EHBP1: variants seen among roughly 807,000 people sequenced by gnomAD.
The protein encoded by EHBP1 is EH domain binding protein 1, also known as EH domain-binding protein 1.
A neutral mutation model predicts 144.0 loss-of-function variants in EHBP1; 55 were observed. That is an observed-to-expected ratio of 0.38 (90% CI 0.31 to 0.48). EHBP1 has a LOEUF of 0.48. EHBP1 is among the 20% of genes least tolerant of loss of function. The pLI is 0.98. For missense variants in EHBP1, 1,200 were observed against 1,364.2 expected (o/e 0.88, Z 1.90); for synonymous variants, 469 against 472.7 (o/e 0.99, Z 0.10).
At chr2:63,018,082 T>C (rs969475864) in intron 19 of EHBP1, among the ~76,000 whole-genome samples, 7 of 152,188 alleles carry the variant, frequency 4.6e-5, no homozygotes. Context: ...GGAGAATTGC[T>C]TGAGCCCAAG....
intron 1 of EHBP1, among the ~76,000 whole-genome samples, chr2:62,681,138 C>A (rs990866819): frequency 2.7e-5 from 4 of 150,886 alleles, no homozygotes; most frequent in Non-Finnish European, 4.4e-5. Context: ...CATGGTGAAA[C>A]CCCGTCTCTA....
chr2:62,753,207 A>T (rs1482858687), intron 3 of EHBP1, among the ~76,000 whole-genome samples: 1 of 152,072 alleles, frequency 6.6e-6, no homozygotes, highest in Non-Finnish European at 1.5e-5. Context: ...ATGGTGACAA[A>T]ATCTCTCAGC....
chr2:62,941,155 A>G (rs1332579815), intron 10 of EHBP1, among the ~76,000 whole-genome samples: 1 of 152,168 alleles, frequency 6.6e-6, no homozygotes, highest in Non-Finnish European at 1.5e-5. Flanking sequence ...GTTTATGCCT[A>G]CCTAGTTCAG....
chr2:62,915,977 C>T (rs2054584363), intron 10 of EHBP1, among the ~76,000 whole-genome samples: 2 of 152,032 alleles, frequency 1.3e-5, no homozygotes, highest in African/African-American at 4.8e-5. Context: ...AACTTTAATT[C>T]ACACCATTCA....
At chr2:62,755,291 C>T (rs1170694381) in intron 3 of EHBP1, among the ~76,000 whole-genome samples, 5 of 152,168 alleles carry the variant, frequency 3.3e-5, no homozygotes, top group Admixed American at 6.5e-5. Flanking sequence ...CTTGACATAA[C>T]GTTTTTGAGA....
At chr2:62,924,522 A>T (rs1175471587) in intron 10 of EHBP1, among the ~76,000 whole-genome samples, 1 of 152,164 alleles carries the variant, frequency 6.6e-6, no homozygotes, top group Non-Finnish European at 1.5e-5. Context: ...GAAAAAGGAG[A>T]CATCACAACA....
chr2:62,947,249 TCTTA>T (rs1301871643), intron 12 of EHBP1, among the ~76,000 whole-genome samples: 1 of 152,222 alleles, frequency 6.6e-6, no homozygotes, highest in Non-Finnish European at 1.5e-5. Flanking sequence ...TCATTTTCTT[TCTTA>T]CTTGTTCCAT....
chr2:62,832,565 T>A (rs2046902708), intron 7 of EHBP1, among the ~76,000 whole-genome samples: 1 of 152,046 alleles, frequency 6.6e-6, no homozygotes, highest in South Asian at 2.1e-4. Context: ...TCTCTGTGTC[T>A]CTGTGTCATT....
intron 1 of EHBP1, among the ~76,000 whole-genome samples, chr2:62,684,947 A>G (rs988977830): frequency 1.6e-4 from 25 of 152,202 alleles, no homozygotes; most frequent in Non-Finnish European, 2.5e-4. Context: ...GGACTCACTT[A>G]TATGTGGAAT....
chr2:62,730,154 G>A (rs948769563), intron 2 of EHBP1, among the ~76,000 whole-genome samples: 1 of 151,938 alleles, frequency 6.6e-6, no homozygotes, highest in Non-Finnish European at 1.5e-5. Context: ...AAATTAAGTA[G>A]AGTACAGACA....
chr2:62,998,257 A>ATACC (rs2059719081), intron 19 of EHBP1, among the ~76,000 whole-genome samples: 1 of 152,128 alleles, frequency 6.6e-6, no homozygotes, highest in Non-Finnish European at 1.5e-5. Context: ...GCTCAGTCTT[A>ATACC]TACCTATATA....
intron 2 of EHBP1, among the ~76,000 whole-genome samples, chr2:62,733,533 T>G (rs1481072995): frequency 2.0e-5 from 3 of 152,204 alleles, no homozygotes; most frequent in African/African-American, 4.8e-5. Flanking sequence ...TCCCCAGTGC[T>G]CCTCAATTTT....
intron 10 of EHBP1, among the ~76,000 whole-genome samples, chr2:62,921,391 G>A (rs894250795): frequency 6.6e-5 from 10 of 151,718 alleles, no homozygotes; most frequent in African/African-American, 2.4e-4. Flanking sequence ...GTTGCAGTGA[G>A]CCAAGATTGC....
At chr2:62,962,635 A>G (rs2058055625) in intron 14 of EHBP1, among the ~76,000 whole-genome samples, 1 of 152,242 alleles carries the variant, frequency 6.6e-6, no homozygotes, top group African/African-American at 2.4e-5. Flanking sequence ...ATGTTTAATT[A>G]TAACTTTTTT....
intron 13 of EHBP1, among the ~76,000 whole-genome samples, chr2:62,949,707 T>A (rs2057277352): frequency 6.6e-6 from 1 of 152,226 alleles, no homozygotes; most frequent in Non-Finnish European, 1.5e-5. Flanking sequence ...TTAGTTGGTT[T>A]ATTTAGTCCC....
chr2:63,016,585 C>T (rs375278093), intron 19 of EHBP1, among the ~76,000 whole-genome samples: 2 of 151,868 alleles, frequency 1.3e-5, no homozygotes, highest in South Asian at 4.2e-4. Flanking sequence ...TACCCACCAC[C>T]ACGCCCGACT....
chr2:62,771,421 T>C, intron 5 of EHBP1, 29 bp downstream of exon 5: 2 of 1,546,068 alleles, frequency 1.3e-6, no homozygotes, highest in Non-Finnish European at 1.8e-6. Flanking sequence ...CCTTCACCTT[T>C]CACATTTTCA....
chr2:62,740,753 T>G (rs58893981), intron 2 of EHBP1, among the ~76,000 whole-genome samples: 2,785 of 152,290 alleles, frequency 0.018, 83 homozygotes, highest in African/African-American at 0.063. Context: ...CAGTTCCTTA[T>G]TTTTAATTTA....
intron 7 of EHBP1, among the ~76,000 whole-genome samples, chr2:62,839,869 C>A (rs1028206786): frequency 6.6e-6 from 1 of 151,480 alleles, no homozygotes; most frequent in Admixed American, 6.6e-5. Flanking sequence ...ACATTCCATG[C>A]TCATGGGTAG....
Sources: gnomAD v4.1 joint callset for allele counts (sites outside exome capture counted in the v4.1 genomes callset) on GRCh38, gnomAD v4.1.1 for gene constraint, MANE v1.5 for transcripts, NCBI Gene and HGNC (gene_info 2026-07-23, HGNC 2026-07-21) for gene names.